BANK1: variants seen among roughly 807,000 people sequenced by gnomAD.
The protein encoded by BANK1 is B cell scaffold protein with ankyrin repeats 1, also known as B-cell scaffold protein with ankyrin repeats.
In BANK1, 95 loss-of-function variants were observed where a neutral mutation model predicts 94.5. That is an observed-to-expected ratio of 1.00 (90% CI 0.85 to 1.19). The LOEUF (loss-of-function observed/expected upper bound fraction) is 1.19. Ranked by LOEUF, BANK1 falls within the 50% of genes most tolerant of loss-of-function variation. The probability of loss-of-function intolerance (pLI) is 0.00; values close to 1 mark genes in which losing one functional copy is unlikely to be tolerated. For missense variants in BANK1, 987 were observed against 932.2 expected, an observed-to-expected ratio of 1.06 and a Z score of -0.77; for synonymous variants, 334 against 308.4, an observed-to-expected ratio of 1.08 and a Z score of -0.87.
intron 11 of BANK1, among the ~76,000 whole-genome samples, chr4:102,053,113 A>G (rs898769877): frequency 2.0e-5 from 3 of 152,242 alleles, no homozygotes; most frequent in African/African-American, 7.2e-5. Flanking sequence ...TGTTCTCAGT[A>G]CATGGAAAGA....
At chr4:101,912,549 TAATA>T (rs1387029715) in intron 6 of BANK1, among the ~76,000 whole-genome samples, 1 of 149,562 alleles carries the variant, frequency 6.7e-6, no homozygotes, top group African/African-American at 2.4e-5. Context: ...ATATTATCTA[TAATA>T]AATCTCTATA....
At chr4:101,911,458 T>C (rs1722661810) in intron 6 of BANK1, among the ~76,000 whole-genome samples, 1 of 152,218 alleles carries the variant, frequency 6.6e-6, no homozygotes, top group Admixed American at 6.5e-5. Flanking sequence ...TATGATTTCC[T>C]ACATATCAGC....
intron 1 of BANK1, among the ~76,000 whole-genome samples, chr4:101,811,396 C>T (rs1340099084): frequency 6.6e-6 from 1 of 151,842 alleles, no homozygotes; most frequent in Non-Finnish European, 1.5e-5. Context: ...CATATGGAAC[C>T]ATAAGGCATA....
intron 2 of BANK1, among the ~76,000 whole-genome samples, chr4:101,841,778 C>T (rs1272330326): frequency 1.7e-5 from 2 of 114,452 alleles, no homozygotes; most frequent in Non-Finnish European, 3.5e-5. Context: ...CTCCCCCCTC[C>T]CCCCACCCCA....
At chr4:101,793,095 TTG>T (rs1725051122) in intron 1 of BANK1, among the ~76,000 whole-genome samples, 2 of 152,190 alleles carry the variant, frequency 1.3e-5, no homozygotes, top group Non-Finnish European at 2.9e-5. Flanking sequence ...ATTGATATTA[TTG>T]GATGCATCTG....
At chr4:101,918,333 A>C in intron 7 of BANK1, 144 bp downstream of exon 7, 1 of 455,022 alleles carries the variant, frequency 2.2e-6, no homozygotes, top group Non-Finnish European at 3.8e-6. Flanking sequence ...CATATCAATA[A>C]TCGTTAGGTT....
intron 4 of BANK1, 137 bp from the exon 5 acceptor site, chr4:101,870,368 T>A (rs1270922358): frequency 1.1e-5 from 8 of 742,772 alleles, no homozygotes; most frequent in Non-Finnish European, 1.5e-5. Context: ...CCAAGAATTT[T>A]AAAAATGATT....
Position 102,063,815 on chromosome 4 carries a change from T to C in BANK1, c.2212+677T>C, listed in dbSNP as rs1728503502. Among the ~76,000 whole-genome samples, 36 of 138,236 alleles carry C rather than the reference T, an allele frequency of 2.6e-4. No individual in the cohort carries two copies. The South Asian group carries it at 8.0e-3, about 31-fold the overall frequency. 90.7% of individuals were successfully genotyped at this position (138,236 alleles called of 152,430 possible). A position where few individuals can be genotyped will look rare whatever the true frequency, so the allele number is the denominator to read the frequency against. ...GCCTGGGTGACAGAGCAAGACTCTA[T>C]CTCAAAAAAAAAAAAAAAAAGAAAT... On this transcript the variant is annotated intron_variant, in intron 13 of 16. Transcript: ENST00000322953.
chr4:102,029,684 C>G (rs1727221381), intron 9 of BANK1, among the ~76,000 whole-genome samples: 1 of 151,344 alleles, frequency 6.6e-6, no homozygotes, highest in African/African-American at 2.4e-5. Flanking sequence ...AATTCCATGT[C>G]TTAAGCACAT....
chr4:101,994,867 T>C (rs962683482), intron 7 of BANK1, among the ~76,000 whole-genome samples: 5 of 152,134 alleles, frequency 3.3e-5, no homozygotes, highest in Admixed American at 2.0e-4. Flanking sequence ...TTTACAAGGT[T>C]TATAACAACA....
intron 1 of BANK1, among the ~76,000 whole-genome samples, chr4:101,805,674 A>G (rs2148852158): frequency 6.6e-6 from 1 of 151,170 alleles, no homozygotes; most frequent in South Asian, 2.1e-4. Context: ...TTATATGTAC[A>G]GCCTCAGATA....
chr4:101,887,422 C>T (rs1728896733), intron 5 of BANK1, among the ~76,000 whole-genome samples: 3 of 152,162 alleles, frequency 2.0e-5, no homozygotes, highest in Admixed American at 2.0e-4. Flanking sequence ...CTTACATGCT[C>T]TTCTTATATC....
In BANK1 at chr4:101,873,345, TC is replaced by T. The variant is rs1728367259; in HGVS notation, c.903+2703del. 2.0e-5 allele frequency among the ~76,000 whole-genome samples: 3 copies of T among 152,292 alleles called. No homozygotes were observed. The South Asian group carries it at 6.2e-4, about 32-fold the overall frequency. Reference sequence around the variant, plus strand: ...TTAATGGCAGATGTGATTTCAGTAATCCTAAAAATTAGTAGTAAGATCTTTC... The same window carrying T: ...TTAATGGCAGATGTGATTTCAGTAATCTAAAAATTAGTAGTAAGATCTTTC... On this transcript the variant is annotated intron_variant, in intron 5 of 16. Transcript: ENST00000322953.
intron 1 of BANK1, among the ~76,000 whole-genome samples, chr4:101,792,441 TTGTGTG>T (rs143434251): frequency 0.02 from 2,685 of 136,622 alleles, 72 homozygotes; most frequent in Non-Finnish European, 0.027. Flanking sequence ...ATCCAGTGGT[TTGTGTG>T]TGTGTGTGTG....
chr4:101,876,609 C>T (rs1728499395), intron 5 of BANK1, among the ~76,000 whole-genome samples: 1 of 152,138 alleles, frequency 6.6e-6, no homozygotes, highest in Non-Finnish European at 1.5e-5. Context: ...GAGAAGGCTT[C>T]AATAAATACC....
rs1213278101 is a variant in BANK1 at position 101,798,898 on chromosome 4, C to T, written c.70+7948C>T. Reference sequence around the variant, plus strand: ...ATGGGTAGATTGTAAAACTTTTCTCCCATTCTGTAGGTTGCCTGTTCACTC... The same window carrying T: ...ATGGGTAGATTGTAAAACTTTTCTCTCATTCTGTAGGTTGCCTGTTCACTC... On this transcript the variant is annotated intron_variant, in intron 1 of 16. Transcript: ENST00000322953. 2.6e-5 allele frequency among the ~76,000 whole-genome samples: 4 copies of T among 152,036 alleles called. No homozygotes were observed. In the South Asian group the frequency reaches 6.2e-4, roughly 24 times the overall value.
intron 8 of BANK1, among the ~76,000 whole-genome samples, chr4:102,023,382 A>C (rs570239399): frequency 1.5e-3 from 231 of 152,352 alleles, no homozygotes; most frequent in Non-Finnish European, 2.3e-3. Flanking sequence ...GTGATTATAA[A>C]GGCCATGATT....
chr4:101,914,090 C>T (rs1722752697), intron 6 of BANK1, among the ~76,000 whole-genome samples: 1 of 152,124 alleles, frequency 6.6e-6, no homozygotes, highest in Admixed American at 6.6e-5. Flanking sequence ...TCATCTTTAT[C>T]CCAAGTTTTT....
At chr4:102,009,898 T>G (rs1036319027) in intron 7 of BANK1, among the ~76,000 whole-genome samples, 1 of 152,206 alleles carries the variant, frequency 6.6e-6, no homozygotes, top group African/African-American at 2.4e-5. Flanking sequence ...TCCTTCCTTA[T>G]ATTCTCATTT....
Sources: allele counts gnomAD v4.1 joint callset (sites outside exome capture counted in the v4.1 genomes callset), GRCh38; gene constraint gnomAD v4.1.1; transcripts MANE v1.5; gene names NCBI Gene and HGNC (gene_info 2026-07-23, HGNC 2026-07-21).